Variants in VSIG10 observed in about 807,000 individuals in gnomAD.
VSIG10 encodes the protein V-set and immunoglobulin domain containing 10.
A neutral mutation model predicts 58.7 loss-of-function variants in VSIG10; 48 were observed. The ratio of observed to expected loss-of-function variants is 0.82; its 90% CI spans 0.65 to 1.04. The LOEUF (loss-of-function observed/expected upper bound fraction) is 1.04, where lower values mean the gene tolerates loss of function less well. VSIG10 is among the 50% of genes least tolerant of loss of function. The pLI is 0.00. For missense variants in VSIG10, 628 were observed against 670.0 expected (o/e 0.94, Z 0.69); for synonymous variants, 260 against 267.1 (o/e 0.97, Z 0.26).
At chr12:118,075,000 TTA>T (rs2032654298) in intron 4 of VSIG10, among the ~76,000 whole-genome samples, 2 of 152,008 alleles carry the variant, frequency 1.3e-5, no homozygotes, top group South Asian at 2.1e-4. Flanking sequence ...CTATTTTTTA[TTA>T]GTTACTATTG....
At chr12:118,066,910 C>A (rs1360131100) in intron 8 of VSIG10, among the ~76,000 whole-genome samples, 1 of 152,032 alleles carries the variant, frequency 6.6e-6, no homozygotes, top group Non-Finnish European at 1.5e-5. Context: ...CCCTTCATGT[C>A]CTCAGCTCAC....
chr12:118,066,732 G>C, intron 8 of VSIG10, 38 bp from the exon 9 acceptor site: 1 of 1,545,094 alleles, frequency 6.5e-7, no homozygotes, highest in South Asian at 1.2e-5. Flanking sequence ...TTTGTAATCA[G>C]AGTGTGATTC....
In VSIG10 at chr12:118,078,114, A is replaced by G. The variant is rs184636619; in HGVS notation, c.925+1232T>C. 2.0e-5 allele frequency among the ~76,000 whole-genome samples: 3 copies of G among 152,288 alleles called. No individual in the cohort carries two copies. The East Asian group carries it at 5.8e-4, about 29-fold the overall frequency. On this transcript the variant is annotated intron_variant, in intron 4 of 8. Transcript: ENST00000359236. The stretch of plus-strand genomic sequence containing the variant: ...CTAATGGAAGGTGTTTGGGTAAGTG[A>G]ATTCTCATTCTATTAGCTTACTGCA...
intron 1 of VSIG10, chr12:118,102,515 C>T (rs1640534174): frequency 6.6e-6 from 1 of 152,046 alleles, no homozygotes; most frequent in African/African-American, 2.4e-5. Flanking sequence ...GGAAAGCAGG[C>T]CCCGTGTTGC....
At chr12:118,074,957 A>C (rs999108273) in intron 4 of VSIG10, among the ~76,000 whole-genome samples, 2 of 152,112 alleles carry the variant, frequency 1.3e-5, no homozygotes, top group South Asian at 4.1e-4. Flanking sequence ...TCACATTCGC[A>C]TACCTTTTAT....
At chr12:118,082,526 A>G (rs772503222) in intron 2 of VSIG10, 97 bp from the exon 3 acceptor site, 22 of 1,226,798 alleles carry the variant, frequency 1.8e-5, no homozygotes, top group South Asian at 2.9e-5. Context: ...AAAATAGCCA[A>G]TGAAGAGTAT....
chr12:118,087,681 C>A (rs898146669), intron 2 of VSIG10, among the ~76,000 whole-genome samples: 1 of 151,444 alleles, frequency 6.6e-6, no homozygotes, highest in African/African-American at 2.4e-5. Context: ...TACAAAAAAA[C>A]TAAAAAATTA....
At chr12:118,097,298 A>G (rs140710197) in intron 1 of VSIG10, among the ~76,000 whole-genome samples, 191 of 152,230 alleles carry the variant, frequency 1.3e-3, no homozygotes, top group African/African-American at 4.0e-3. Context: ...TTTGTCTATA[A>G]TCACTACAGA....
At chr12:118,068,297 A>G in intron 8 of VSIG10, 80 bp downstream of exon 8, 3 of 1,458,140 alleles carry the variant, frequency 2.1e-6, no homozygotes, top group Middle Eastern at 2.1e-4. Context: ...GGCCTCCCAA[A>G]GTGCTGGGAT....
chr12:118,096,501 C>G (rs943563731), intron 1 of VSIG10, among the ~76,000 whole-genome samples: 4 of 150,578 alleles, frequency 2.7e-5, no homozygotes, highest in Non-Finnish European at 5.9e-5. Flanking sequence ...TCGCTTGAAC[C>G]TGGGAAGCAG....
chr12:118,076,166 C>T (rs539253787), intron 4 of VSIG10, among the ~76,000 whole-genome samples: 2 of 152,256 alleles, frequency 1.3e-5, no homozygotes, highest in South Asian at 4.1e-4. Context: ...CATTTATTCT[C>T]TTAACAGTTG....
chr12:118,088,080 C>T (rs758060912), intron 2 of VSIG10, among the ~76,000 whole-genome samples: 15 of 151,734 alleles, frequency 9.9e-5, no homozygotes, highest in Non-Finnish European at 1.8e-4. Flanking sequence ...CCCGTCTCTA[C>T]TAAAGATACA....
chr12:118,067,792 A>G (rs1041567641), intron 8 of VSIG10, among the ~76,000 whole-genome samples: 1 of 152,020 alleles, frequency 6.6e-6, no homozygotes, highest in Non-Finnish European at 1.5e-5. Flanking sequence ...CCCTGCATGC[A>G]GACACTACCA....
rs1269756746 is a variant in VSIG10 at position 118,079,588 on chromosome 12, G to A, written c.683C>T (p.Pro228Leu). 2 of 1,613,854 alleles carry A rather than the reference G, an allele frequency of 1.2e-6. No homozygotes were observed. The highest frequency in any genetic ancestry group is 1.7e-6 in the Non-Finnish European group (2 of 1,179,896). Residue 228 changes from proline (P) to leucine (L), a missense_variant, in exon 4 of 9, where the codon CCC (proline) becomes CTC (leucine). Pro to Leu is a moderately conservative substitution (Grantham distance 98, BLOSUM62 -3). Coordinates refer to ENST00000359236, the MANE Select transcript of VSIG10 (RefSeq NM_019086.6). ...TGATGCCATCTGTGCCCAGCACTGG[G>A]GAGCTGATGGAGGGGGATCTGCAAA... ...LLVYYPPPSA[P>L]QCWAQMASGS...
intron 4 of VSIG10, among the ~76,000 whole-genome samples, chr12:118,074,442 A>G (rs565102545): frequency 1.3e-5 from 2 of 151,472 alleles, no homozygotes; most frequent in South Asian, 4.2e-4. Context: ...GGTTGACTAC[A>G]GTCCAAAAAT....
chr12:118,094,884 G>A (rs1261067318), intron 2 of VSIG10, among the ~76,000 whole-genome samples: 2 of 149,892 alleles, frequency 1.3e-5, no homozygotes, highest in Non-Finnish European at 3.0e-5. Context: ...TTACAGGCGT[G>A]CGCCACCATG....
intron 2 of VSIG10, among the ~76,000 whole-genome samples, chr12:118,082,738 AG>A (rs1252284241): frequency 6.6e-6 from 1 of 151,880 alleles, no homozygotes; most frequent in Admixed American, 6.6e-5. Flanking sequence ...GCACTTTGGG[AG>A]GCTGAGGAAG....
intron 8 of VSIG10, 48 bp downstream of exon 8, chr12:118,068,329 C>CT (rs772276266): frequency 9.4e-6 from 15 of 1,596,022 alleles, no homozygotes; most frequent in Middle Eastern, 1.7e-4. Context: ...GCCAACGCGC[C>CT]TTTTTTTGTT....
intron 3 of VSIG10, 119 bp from the exon 4 acceptor site, chr12:118,079,725 G>T: frequency 1.5e-6 from 2 of 1,342,558 alleles, no homozygotes; most frequent in Non-Finnish European, 2.0e-6. Flanking sequence ...GTTAGTGTTA[G>T]CATCTAATAG....
Sources: gnomAD v4.1 joint callset for allele counts (sites outside exome capture counted in the v4.1 genomes callset) on GRCh38, gnomAD v4.1.1 for gene constraint, MANE v1.5 for transcripts, NCBI Gene and HGNC (gene_info 2026-07-23, HGNC 2026-07-21) for gene names.